Variants in AK4 observed in about 807,000 individuals in gnomAD.
AK4 encodes adenylate kinase 4, mitochondrial.
In AK4, 13 loss-of-function variants were observed where a neutral mutation model predicts 24.6. The ratio of observed to expected loss-of-function variants is 0.53; its 90% CI spans 0.34 to 0.84. The LOEUF (loss-of-function observed/expected upper bound fraction) is 0.84. AK4 is among the 40% of genes least tolerant of loss of function. The pLI is 0.01. For synonymous variants in AK4, 88 were observed against 107.0 expected, an observed-to-expected ratio of 0.82 and a Z score of 1.10; for missense variants, 192 against 288.2, an observed-to-expected ratio of 0.67 and a Z score of 2.42.
intron 2 of AK4, among the ~76,000 whole-genome samples, chr1:65,213,416 T>A (rs555294124): frequency 2.0e-5 from 3 of 152,270 alleles, no homozygotes; most frequent in Admixed American, 1.3e-4. Flanking sequence ...TTGAGCTCCC[T>A]GTGACTCATG....
At position 65,165,543 on chromosome 1, in the gene AK4, A is replaced by G. The variant is rs570875571; in HGVS notation, c.145+16991A>G. ...CACTGCGTTCCAGTCTAGGCAACAC[A>G]GGGAGATCCCATGTCTGGAAAAAAA... On this transcript the variant is annotated intron_variant, in intron 1 of 4. Transcript: ENST00000327299. 6.6e-5 allele frequency among the ~76,000 whole-genome samples: 10 copies of G among 150,584 alleles called. No individual in the cohort carries two copies. In the Admixed American group the frequency reaches 6.7e-4, roughly 10 times the overall value.
intron 1 of AK4, among the ~76,000 whole-genome samples, chr1:65,174,643 T>C (rs1224268022): frequency 6.6e-6 from 1 of 152,158 alleles, no homozygotes; most frequent in Non-Finnish European, 1.5e-5. Context: ...GACAGATGGT[T>C]GAACAAAGAA....
intron 2 of AK4, among the ~76,000 whole-genome samples, chr1:65,199,086 CAAAAAA>C (rs34278926): frequency 1.9e-5 from 2 of 104,166 alleles, no homozygotes; most frequent in Non-Finnish European, 2.1e-5. Flanking sequence ...GACTCCGCCT[CAAAAAA>C]AAAAAAAAAA....
intron 1 of AK4, among the ~76,000 whole-genome samples, chr1:65,180,401 CTG>C (rs1650860277): frequency 6.6e-6 from 1 of 152,136 alleles, no homozygotes; most frequent in Non-Finnish European, 1.5e-5. Flanking sequence ...TGATTTAAAA[CTG>C]TATTTTTGGT....
Position 65,224,721 on chromosome 1 carries a change from C to A in AK4, c.439-31C>A, listed in dbSNP as rs769701643. On this transcript the variant is annotated intron_variant, in intron 3 of 4. Transcript: ENST00000327299. ...ACCTATGAAATGGCCCAACTGTTGT[C>A]TATATTAATTGGTTTATTTGGTATT... 4 of 1,575,862 alleles carry A rather than the reference C, an allele frequency of 2.5e-6. No individual in the cohort carries two copies. In the Admixed American group the frequency reaches 5.0e-5, roughly 20 times the overall value.
At chr1:65,171,093 C>A (rs1463809419) in intron 1 of AK4, among the ~76,000 whole-genome samples, 2 of 149,278 alleles carry the variant, frequency 1.3e-5, no homozygotes, top group Non-Finnish European at 3.0e-5. Flanking sequence ...GTAGCTCGGA[C>A]TACAGGCACA....
intron 1 of AK4, among the ~76,000 whole-genome samples, chr1:65,155,599 A>G (rs1461278173): frequency 6.6e-6 from 1 of 152,212 alleles, no homozygotes; most frequent in Non-Finnish European, 1.5e-5. Flanking sequence ...AGATGAAAAC[A>G]ATCACTTGTA....
chr1:65,190,605 C>A, intron 1 of AK4, 105 bp from the exon 2 acceptor site: 2 of 1,308,066 alleles, frequency 1.5e-6, no homozygotes, highest in Non-Finnish European at 2.1e-6. Context: ...CTAGGAATTT[C>A]TTCCCACATC....
chr1:65,174,879 T>C (rs1447308131), intron 1 of AK4, among the ~76,000 whole-genome samples: 1 of 152,228 alleles, frequency 6.6e-6, no homozygotes, highest in African/African-American at 2.4e-5. Context: ...ATTGAGATAA[T>C]ACGTACAAGG....
rs1314868139 is a variant in AK4 at position 65,220,325 on chromosome 1, A to G, written c.438+1399A>G. On this transcript the variant is annotated intron_variant, in intron 3 of 4. Coordinates refer to ENST00000327299, the MANE Select transcript of AK4 (RefSeq NM_013410.4). ...TGGCAAATTGTCTTCCAAACTGGTT[A>G]TTTGATTTTGCATTTCCACCAGCAA... 3.3e-5 allele frequency among the ~76,000 whole-genome samples: 5 copies of G among 152,182 alleles called. No homozygotes were observed. In the East Asian group the frequency reaches 9.6e-4, roughly 29 times the overall value.
intron 2 of AK4, 60 bp downstream of exon 2, chr1:65,190,889 C>G: frequency 6.5e-7 from 1 of 1,543,972 alleles, no homozygotes. Flanking sequence ...GTCTTGCACA[C>G]TCCCTTAACT....
At chr1:65,152,330 CTCT>C (rs1557434247) in intron 1 of AK4, among the ~76,000 whole-genome samples, 390 of 37,220 alleles carry the variant, frequency 0.01, 1 homozygote, top group East Asian at 0.028. Context: ...CTCTCTCTCT[CTCT>C]CTCTCTCTCT....
At chr1:65,197,313 G>A (rs1018264540) in intron 2 of AK4, among the ~76,000 whole-genome samples, 2 of 152,142 alleles carry the variant, frequency 1.3e-5, no homozygotes, top group African/African-American at 4.8e-5. Context: ...CCAAGATGTA[G>A]TAGAATTATC....
intron 1 of AK4, among the ~76,000 whole-genome samples, chr1:65,175,909 C>G (rs2375596): frequency 6.6e-6 from 1 of 151,906 alleles, no homozygotes; most frequent in Non-Finnish European, 1.5e-5. Context: ...TATATAAAGC[C>G]GCGTGTGGTA....
upstream of AK4, chr1:65,148,176 A>C: frequency 1.2e-6 from 1 of 840,482 alleles, no homozygotes; most frequent in Non-Finnish European, 1.7e-6. Flanking sequence ...GAGGTGGAGA[A>C]GGGCGGGGAG....
At position 65,174,108 on chromosome 1, in the gene AK4, A is replaced by G. The variant is rs973443181; in HGVS notation, c.146-16602A>G. 3.6e-4 allele frequency among the ~76,000 whole-genome samples: 55 copies of G among 152,140 alleles called. 1 individual carries two copies. The highest frequency in any genetic ancestry group is 3.1e-3 in the Admixed American group (48 of 15,284). ...CTCTTTTTCTGTTCCTCAGCTTTCA[A>G]TCCTCCAATACCAGAAGGATTTGGC... On this transcript the variant is annotated intron_variant, in intron 1 of 4. Coordinates refer to ENST00000327299, the MANE Select transcript of AK4 (RefSeq NM_013410.4).
intron 4 of AK4, among the ~76,000 whole-genome samples, chr1:65,225,294 G>T (rs961138862): frequency 9.9e-5 from 15 of 152,092 alleles, no homozygotes; most frequent in Non-Finnish European, 2.2e-4. Context: ...GGCTAAAACC[G>T]TAAACCAGAG....
chr1:65,183,689 G>GTA (rs1557450622), intron 1 of AK4, among the ~76,000 whole-genome samples: 51 of 127,090 alleles, frequency 4.0e-4, no homozygotes, highest in Non-Finnish European at 4.9e-4. Flanking sequence ...GTGTGTGTGT[G>GTA]TGTGTATGTA....
At chr1:65,171,754 C>T (rs915065615) in intron 1 of AK4, among the ~76,000 whole-genome samples, 5 of 151,800 alleles carry the variant, frequency 3.3e-5, no homozygotes, top group African/African-American at 9.7e-5. Flanking sequence ...GTCTTTAAGT[C>T]GCAAAGAAGT....
Sources: gnomAD v4.1 joint callset for allele counts (sites outside exome capture counted in the v4.1 genomes callset) on GRCh38, gnomAD v4.1.1 for gene constraint, MANE v1.5 for transcripts, NCBI Gene and HGNC (gene_info 2026-07-23, HGNC 2026-07-21) for gene names.